The following IPP variants were observed in gnomAD, a reference collection of about 807,000 sequenced individuals.
IPP encodes actin-binding protein IPP.
IPP carries 41 observed loss-of-function variants against 64.1 expected under a neutral mutation model. The observed-to-expected ratio is 0.64, with a 90% confidence interval of 0.50 to 0.83. The LOEUF (loss-of-function observed/expected upper bound fraction) is 0.83. IPP is among the 40% of genes least tolerant of loss of function. The pLI, the probability that IPP is intolerant of heterozygous loss-of-function variation, is 0.00. For missense variants in IPP, 649 were observed against 703.0 expected, an observed-to-expected ratio of 0.92 and a Z score of 0.87; for synonymous variants, 214 against 235.2, an observed-to-expected ratio of 0.91 and a Z score of 0.83.
intron 8 of IPP, among the ~76,000 whole-genome samples, chr1:45,707,918 C>G (rs1181381458): frequency 6.6e-6 from 1 of 151,824 alleles, no homozygotes; most frequent in Non-Finnish European, 1.5e-5. Flanking sequence ...ACTGAAGACC[C>G]ATGATGAGGA....
In IPP at chr1:45,700,087, T is replaced by G; in HGVS notation, c.1634A>C (p.His545Pro). ...CAAGGTACCTGGAGCCAAAAAATCA[T>G]GGCTGGAAGATCGACCTCCAGAAAC... Reference protein sequence around the residue: ...LYVSGGRSSSHDFLAPGTLDS... With the variant: ...LYVSGGRSSSPDFLAPGTLDS... Residue 545 changes from histidine (H) to proline (P), a missense_variant, in exon 9 of 9, where the codon CAT becomes CCT. Physicochemically the swap from His to Pro is moderately conservative, Grantham distance 77. Transcript: ENST00000396478. 6.2e-7 allele frequency: 1 copy of G among 1,614,120 alleles called. No individual in the cohort carries two copies. Among genetic ancestry groups the G allele is most frequent in the Non-Finnish European group, 8.5e-7 (1 of 1,180,022 alleles).
downstream of IPP, chr1:45,694,601 C>A (rs544103130): frequency 2.8e-5 from 20 of 722,818 alleles, no homozygotes; most frequent in Non-Finnish European, 4.9e-5. Flanking sequence ...ATGGTATAAC[C>A]CAATTATATG....
chr1:45,698,651 T>C (rs990357039), downstream of IPP: 1 of 972,802 alleles, frequency 1.0e-6, no homozygotes, highest in South Asian at 4.8e-5. Context: ...TAAAATTCCC[T>C]CTTCCTAAAG....
At chr1:45,701,763 AG>A (rs1645458642) in intron 8 of IPP, among the ~76,000 whole-genome samples, 1 of 152,236 alleles carries the variant, frequency 6.6e-6, no homozygotes, top group Non-Finnish European at 1.5e-5. Flanking sequence ...TAAATAGTGA[AG>A]ACTGATTATT....
intron 3 of IPP, among the ~76,000 whole-genome samples, chr1:45,732,798 C>G (rs1208574255): frequency 1.3e-5 from 2 of 151,990 alleles, no homozygotes; most frequent in Non-Finnish European, 2.9e-5. Context: ...TTCCGAGTAG[C>G]TAGGACTACA....
chr1:45,700,204 A>AG lies in IPP; in HGVS notation c.1531-15_1531-14insC, dbSNP rs5773892. On this transcript the variant is annotated splice_polypyrimidine_tract_variant and intron_variant, in intron 8 of 8. Coordinates refer to ENST00000396478, the MANE Select transcript of IPP (RefSeq NM_005897.3). The stretch of plus-strand genomic sequence containing the variant: ...AACCCACTTTTCCTGGTTAAGAGAG[A>AG]AAAAAAAAATATGTTAGCAGTGTTA... 7.9e-6 allele frequency: 11 copies of AG among 1,390,182 alleles called. No homozygotes were observed. Among genetic ancestry groups the AG allele is most frequent in the East Asian group, 2.5e-5 (1 of 39,922 alleles). The allele number at this position is 1,390,182 out of a possible 1,614,324, so 86.1% of individuals were successfully genotyped here. A position where few individuals can be genotyped will look rare whatever the true frequency, so the allele number is the denominator to read the frequency against.
chr1:45,722,856 T>C (rs1645751737), intron 5 of IPP, among the ~76,000 whole-genome samples: 1 of 152,240 alleles, frequency 6.6e-6, no homozygotes, highest in Non-Finnish European at 1.5e-5. Flanking sequence ...TGTTATGACA[T>C]GCTAAGTGAA....
downstream of IPP, chr1:45,694,568 AG>A (rs1331668614): frequency 1.0e-6 from 1 of 976,496 alleles, no homozygotes; most frequent in Non-Finnish European, 1.6e-6. Flanking sequence ...CCACTGGGAA[AG>A]GCATGTCCAA....
At chr1:45,726,090 AAAATAAAT>A (rs530444709) in intron 5 of IPP, among the ~76,000 whole-genome samples, 1 of 148,980 alleles carries the variant, frequency 6.7e-6, no homozygotes. Context: ...ATCAATAAAA[AAAATAAAT>A]AAATAAATAA....
chr1:45,722,827 G>T (rs1404346671), intron 5 of IPP, among the ~76,000 whole-genome samples: 7 of 152,120 alleles, frequency 4.6e-5, no homozygotes, highest in Middle Eastern at 3.4e-3. Flanking sequence ...GTCATAAAAA[G>T]AAATGAAGTA....
intron 5 of IPP, among the ~76,000 whole-genome samples, chr1:45,723,241 G>A (rs1283224958): frequency 3.3e-5 from 5 of 151,820 alleles, no homozygotes; most frequent in Non-Finnish European, 5.9e-5. Context: ...ATGGCATAAG[G>A]GATTTAAAAT....
chr1:45,739,901 G>C (rs757199797), intron 3 of IPP, among the ~76,000 whole-genome samples: 1 of 151,462 alleles, frequency 6.6e-6, no homozygotes, highest in African/African-American at 2.4e-5. Context: ...TAGGACAATA[G>C]TGGAGGGAAG....
At position 45,716,804 on chromosome 1, in the gene IPP, C is replaced by T. The variant is rs1281156945; in HGVS notation, c.1309+91G>A. 9.7e-6 allele frequency: 11 copies of T among 1,135,928 alleles called. No individual in the cohort carries two copies. In the East Asian group the frequency reaches 2.5e-4, roughly 25 times the overall value. 70.4% of individuals were successfully genotyped at this position (1,135,928 alleles called of 1,614,324 possible). ...GTATCAGTCATTCAATACTAACAGA[C>T]TTAAAATATACTTTTGTGAAAATAA... is the stretch of plus-strand genomic sequence containing the variant. On this transcript the variant is annotated intron_variant, in intron 7 of 8. Coordinates refer to ENST00000396478, the MANE Select transcript of IPP (RefSeq NM_005897.3).
intron 3 of IPP, among the ~76,000 whole-genome samples, chr1:45,740,217 T>C (rs2148580633): frequency 6.6e-6 from 1 of 152,252 alleles, no homozygotes; most frequent in Non-Finnish European, 1.5e-5. Context: ...CTCCCATGTC[T>C]ACCTCTTTCT....
chr1:45,742,331 C>G lies in IPP; in HGVS notation c.293-999G>C, dbSNP rs192758652. Among the ~76,000 whole-genome samples the G allele has an allele frequency of 5.5e-4, 84 of 152,018 alleles. 1 individual carries two copies. The East Asian group carries it at 0.011, about 20-fold the overall frequency. On this transcript the variant is annotated intron_variant, in intron 2 of 8. Coordinates refer to ENST00000396478, the MANE Select transcript of IPP (RefSeq NM_005897.3). Reference sequence around the variant, plus strand: ...CAAGCCCCCAAGACACACAATTTACCCATGGAACAAACCCGCATATGTACC... The same window carrying G: ...CAAGCCCCCAAGACACACAATTTACGCATGGAACAAACCCGCATATGTACC...
chr1:45,745,137 A>G (rs1486304414), intron 2 of IPP, among the ~76,000 whole-genome samples: 4 of 152,150 alleles, frequency 2.6e-5, no homozygotes, highest in Non-Finnish European at 5.9e-5. Context: ...GGCCTCAAGC[A>G]ATCCTCTCAC....
At chr1:45,743,673 C>T (rs1399770011) in intron 2 of IPP, among the ~76,000 whole-genome samples, 1 of 151,900 alleles carries the variant, frequency 6.6e-6, no homozygotes, top group Admixed American at 6.6e-5. Context: ...TTTGCCACTG[C>T]ATTCCAGCGT....
At chr1:45,742,941 T>G (rs936313971) in intron 2 of IPP, among the ~76,000 whole-genome samples, 1 of 152,024 alleles carries the variant, frequency 6.6e-6, no homozygotes, top group Admixed American at 6.6e-5. Flanking sequence ...ATTTTTTTAT[T>G]TTTTTATTTT....
chr1:45,695,869 A>T (rs938414751), downstream of IPP, among the ~76,000 whole-genome samples: 2 of 152,148 alleles, frequency 1.3e-5, no homozygotes, highest in African/African-American at 4.8e-5. Flanking sequence ...GGGTTTCTCC[A>T]TGTTGGTCAG....
Sources: gnomAD v4.1 joint callset for allele counts (sites outside exome capture counted in the v4.1 genomes callset) on GRCh38, gnomAD v4.1.1 for gene constraint, MANE v1.5 for transcripts, NCBI Gene and HGNC (gene_info 2026-07-23, HGNC 2026-07-21) for gene names.